ANKRD31: variants seen among roughly 807,000 people sequenced by gnomAD.
ANKRD31 encodes ankyrin repeat domain-containing protein 31.
Under a neutral mutation model 186.0 loss-of-function variants are expected in ANKRD31, and 147 were observed. The ratio of observed to expected loss-of-function variants is 0.79; its 90% CI spans 0.69 to 0.91. The LOEUF is 0.91. Among genes scored for constraint, ANKRD31 ranks in the 40% least tolerant of loss-of-function variants. The pLI, the probability that ANKRD31 is intolerant of heterozygous loss-of-function variation, is 0.00. For missense variants in ANKRD31, 1,986 were observed against 2,148.8 expected, an observed-to-expected ratio of 0.92 and a Z score of 1.50; for synonymous variants, 673 against 736.4, an observed-to-expected ratio of 0.91 and a Z score of 1.39.
chr5:75,137,750 C>T, intron 17 of ANKRD31, 106 bp downstream of exon 17: 1 of 1,094,112 alleles, frequency 9.1e-7, no homozygotes, highest in Non-Finnish European at 1.2e-6. Context: ...TTAAAAAAAT[C>T]ACTTGTTTTA....
intron 3 of ANKRD31, among the ~76,000 whole-genome samples, chr5:75,215,700 AT>A (rs138583064): frequency 0.054 from 8,257 of 152,190 alleles, 517 homozygotes; most frequent in African/African-American, 0.15. Flanking sequence ...CTAAAATAGT[AT>A]TCTTTAAAGT....
chr5:75,113,057 C>A (rs188752616), intron 19 of ANKRD31, among the ~76,000 whole-genome samples: 35 of 152,160 alleles, frequency 2.3e-4, no homozygotes, highest in Admixed American at 1.9e-3. Context: ...GACTTAATAC[C>A]ACTCCTACAT....
Position 75,104,893 on chromosome 5 carries a change from T to C in ANKRD31, c.4666A>G (p.Asn1556Asp). 6.5e-7 allele frequency: 1 copy of C among 1,537,208 alleles called. No individual in the cohort carries two copies. The highest frequency in any genetic ancestry group is 8.7e-7 in the Non-Finnish European group (1 of 1,146,888). Residue 1556 changes from asparagine to aspartate, a missense_variant, in exon 22 of 26, where the codon AAC becomes GAC. Physicochemically the swap from Asn to Asp is conservative, Grantham distance 23. Coordinates refer to ENST00000506364, the MANE Select transcript of ANKRD31 (RefSeq NM_001372053.1). ...ACTGCCTCTGAATTTAGACAAATGT[T>C]GGTATTTTGGCTGTAGTTCCAAGTT... ...LETWNYSQNT[N>D]ICLNSEAVRR...
At chr5:75,152,782 T>C (rs1751926444) in intron 12 of ANKRD31, among the ~76,000 whole-genome samples, 1 of 151,940 alleles carries the variant, frequency 6.6e-6, no homozygotes, top group Admixed American at 6.6e-5. Context: ...CTGTCTAATG[T>C]GTTAGGTAAT....
intron 20 of ANKRD31, among the ~76,000 whole-genome samples, chr5:75,111,290 T>C (rs1384086498): frequency 6.6e-6 from 1 of 152,154 alleles, no homozygotes; most frequent in Admixed American, 6.5e-5. Context: ...TTTTTCTCTT[T>C]TTCTCGAAGT....
intron 11 of ANKRD31, among the ~76,000 whole-genome samples, chr5:75,155,770 A>C (rs1752124594): frequency 2.0e-5 from 3 of 152,272 alleles, no homozygotes; most frequent in Admixed American, 2.0e-4. Flanking sequence ...TTTATAAGAA[A>C]GCATCCTAGC....
rs540763816 is a variant in ANKRD31 at position 75,120,989 on chromosome 5, C to A, written c.3877-2692G>T. Among the ~76,000 whole-genome samples the A allele has an allele frequency of 2.0e-5, 3 of 152,102 alleles. No homozygotes were observed. The East Asian group carries it at 5.8e-4, about 29-fold the overall frequency. On this transcript the variant is annotated intron_variant, in intron 17 of 25. Transcript: ENST00000506364. Reference sequence around the variant, plus strand: ...CATTAGGTCAGGAGTTTGAGACCAGCCTGACCAACATGGTAAAACCCCGTC... The same window carrying A: ...CATTAGGTCAGGAGTTTGAGACCAGACTGACCAACATGGTAAAACCCCGTC...
At position 75,192,656 on chromosome 5, in the gene ANKRD31, A is replaced by G. The variant is rs1429102984; in HGVS notation, c.1408+11T>C. 4 of 1,488,828 alleles carry G rather than the reference A, an allele frequency of 2.7e-6. No individual in the cohort carries two copies. In the African/African-American group the frequency reaches 4.2e-5, roughly 16 times the overall value. 92.2% of individuals were successfully genotyped at this position (1,488,828 alleles called of 1,614,324 possible). ...TAAAAGAAATAGAAAAATACTCAAA[A>G]TATGCATCACCTTTTTTTCCTGAAA... On this transcript the variant is annotated intron_variant, in intron 9 of 25. Coordinates refer to ENST00000506364, the MANE Select transcript of ANKRD31 (RefSeq NM_001372053.1).
chr5:75,168,937 C>T, intron 11 of ANKRD31, 42 bp downstream of exon 11: 3 of 1,466,414 alleles, frequency 2.0e-6, no homozygotes, highest in Non-Finnish European at 2.7e-6. Context: ...TTAATATTTG[C>T]AAAATATAGT....
Position 75,138,883 on chromosome 5 carries a change from T to C in ANKRD31, c.3696A>G (p.Ile1232Met). The change falls in exon 16 of 26, where the codon ATA becomes ATG. Residue 1232 changes from isoleucine (I) to methionine (M), a missense_variant. Transcript: ENST00000506364. ...TTAGATTCACATCTGCTCCAGATTC[T>C]ATCAGGGCTTTCACTAGGGGCAGAT... The part of the protein sequence containing the change: ...RGNLPLVKAL[I>M]ESGADVNLND... 1 of 1,536,832 alleles carries C rather than the reference T, an allele frequency of 6.5e-7. No individual in the cohort carries two copies. The highest frequency in any genetic ancestry group is 8.7e-7 in the Non-Finnish European group (1 of 1,146,626).
intron 17 of ANKRD31, among the ~76,000 whole-genome samples, chr5:75,130,786 C>A (rs1326888070): frequency 6.6e-6 from 1 of 152,214 alleles, no homozygotes; most frequent in Non-Finnish European, 1.5e-5. Flanking sequence ...GGTGCGTTTA[C>A]AATCCTTTAG....
At chr5:75,108,163 A>C (rs1422737109) in intron 20 of ANKRD31, among the ~76,000 whole-genome samples, 1 of 151,880 alleles carries the variant, frequency 6.6e-6, no homozygotes, top group Non-Finnish European at 1.5e-5. Context: ...ATTATTTTAA[A>C]TACTTACACT....
At chr5:75,211,007 T>G (rs1445421565) in intron 3 of ANKRD31, 142 bp from the exon 4 acceptor site, 5 of 582,964 alleles carry the variant, frequency 8.6e-6, no homozygotes, top group Non-Finnish European at 1.4e-5. Flanking sequence ...TAAAATTTAC[T>G]ATCTATTTAC....
At chr5:75,083,342 C>A (rs921337413) in intron 24 of ANKRD31, among the ~76,000 whole-genome samples, 1 of 152,048 alleles carries the variant, frequency 6.6e-6, no homozygotes, top group African/African-American at 2.4e-5. Flanking sequence ...AATTCCACTC[C>A]TAGGCACACA....
chr5:75,182,082 G>A (rs945280058), intron 10 of ANKRD31, among the ~76,000 whole-genome samples: 1 of 152,114 alleles, frequency 6.6e-6, no homozygotes, highest in African/African-American at 2.4e-5. Flanking sequence ...TAGATAGTAG[G>A]TATATGGATA....
intron 15 of ANKRD31, among the ~76,000 whole-genome samples, chr5:75,142,014 C>A (rs1338041364): frequency 2.6e-5 from 4 of 152,030 alleles, no homozygotes; most frequent in African/African-American, 7.2e-5. Flanking sequence ...CAAAAGGAAA[C>A]AAATAGTACT....
intron 25 of ANKRD31, among the ~76,000 whole-genome samples, chr5:75,071,098 C>T (rs1406321351): frequency 1.3e-5 from 2 of 151,932 alleles, no homozygotes; most frequent in African/African-American, 4.8e-5. Flanking sequence ...TCTAGTGTTC[C>T]AAGTAAAACA....
In ANKRD31 at chr5:75,146,222, A is replaced by G. The variant is rs1751422418; in HGVS notation, c.3189T>C (p.Thr1063=). 1 of 1,536,230 alleles carries G rather than the reference A, an allele frequency of 6.5e-7. No individual in the cohort carries two copies. Residue 1063 remains threonine (T), a synonymous_variant, in exon 14 of 26, where the codon ACT becomes ACC. Transcript: ENST00000506364. ...IVEKMAKNCD[T]ERNYIDRDQK... ...GGTCTCTGTCAATGTAATTCCTCTC[A>G]GTGTCACAATTCTTTGCCATCTTTT...
At chr5:75,117,406 T>G (rs908714795) in intron 18 of ANKRD31, among the ~76,000 whole-genome samples, 1 of 152,188 alleles carries the variant, frequency 6.6e-6, no homozygotes, top group African/African-American at 2.4e-5. Context: ...TGTATCACTC[T>G]TGACCTTGAC....
Sources: gnomAD v4.1 joint callset for allele counts (sites outside exome capture counted in the v4.1 genomes callset) on GRCh38, gnomAD v4.1.1 for gene constraint, MANE v1.5 for transcripts, NCBI Gene and HGNC (gene_info 2026-07-23, HGNC 2026-07-21) for gene names.